HCN1: variants seen among roughly 807,000 people sequenced by gnomAD.
The protein encoded by HCN1 is potassium/sodium hyperpolarization-activated cyclic nucleotide-gated channel 1.
HCN1 carries 13 observed loss-of-function variants against 78.9 expected under a neutral mutation model. The ratio of observed to expected loss-of-function variants is 0.16; its 90% CI spans 0.11 to 0.26. HCN1 has a LOEUF of 0.26. HCN1 is among the 10% of genes least tolerant of loss of function. The pLI is 1.00. For synonymous variants in HCN1, 552 were observed against 455.5 expected (o/e 1.21, Z -2.70); for missense variants, 810 against 1,154.3 (o/e 0.70, Z 4.32).
intron 5 of HCN1, among the ~76,000 whole-genome samples, chr5:45,350,325 C>T (rs928975286): frequency 4.6e-5 from 7 of 152,156 alleles, no homozygotes; most frequent in Non-Finnish European, 8.8e-5. Flanking sequence ...AATTCAACAA[C>T]TCTTCATGCT....
At chr5:45,396,738 A>G (rs1739695384) in intron 3 of HCN1, 28 bp from the exon 4 acceptor site, 7 of 1,571,724 alleles carry the variant, frequency 4.5e-6, no homozygotes, top group Non-Finnish European at 6.1e-6. Flanking sequence ...AAGAAAATTG[A>G]CTGAGCCATT....
intron 1 of HCN1, among the ~76,000 whole-genome samples, chr5:45,686,489 C>T (rs1303888427): frequency 6.6e-6 from 1 of 152,160 alleles, no homozygotes; most frequent in Admixed American, 6.5e-5. Context: ...TGCCCTCCCA[C>T]CAACCTAGAA....
In HCN1 at chr5:45,377,618, G is replaced by C. The variant is rs1418429158; in HGVS notation, c.1230+18874C>G. On this transcript the variant is annotated intron_variant, in intron 4 of 7. Coordinates refer to ENST00000303230, the MANE Select transcript of HCN1 (RefSeq NM_021072.4). ...AAAAGTGATGTATTTGAGAAGGCAA[G>C]AAATGCAAACACTCCTTATACCTAC... is the stretch of plus-strand genomic sequence containing the variant. Among the ~76,000 whole-genome samples the C allele has an allele frequency of 2.0e-5, 3 of 152,022 alleles. No individual in the cohort carries two copies. In the East Asian group the frequency reaches 5.8e-4, roughly 29 times the overall value.
intron 3 of HCN1, among the ~76,000 whole-genome samples, chr5:45,434,398 T>C (rs1417901016): frequency 6.6e-6 from 1 of 152,194 alleles, no homozygotes; most frequent in Non-Finnish European, 1.5e-5. Context: ...GGCAGCCTTC[T>C]GAAGTGAAAC....
chr5:45,301,911 T>C (rs1745631204), intron 6 of HCN1, among the ~76,000 whole-genome samples: 2 of 151,538 alleles, frequency 1.3e-5, no homozygotes, highest in South Asian at 4.2e-4. Flanking sequence ...TAGGAGAAAA[T>C]AGTTGCATCA....
chr5:45,689,110 G>T (rs1739859596), intron 1 of HCN1, among the ~76,000 whole-genome samples: 1 of 151,958 alleles, frequency 6.6e-6, no homozygotes, highest in South Asian at 2.1e-4. Context: ...ATATTGAATT[G>T]CTTACTTTAA....
At chr5:45,610,353 C>T (rs1373775690) in intron 2 of HCN1, among the ~76,000 whole-genome samples, 1 of 151,674 alleles carries the variant, frequency 6.6e-6, no homozygotes, top group Non-Finnish European at 1.5e-5. Context: ...ACTGTGGATA[C>T]AGAAAGAATA....
intron 2 of HCN1, among the ~76,000 whole-genome samples, chr5:45,554,173 G>A (rs527708923): frequency 1.3e-5 from 2 of 151,862 alleles, no homozygotes; most frequent in South Asian, 4.1e-4. Flanking sequence ...AGCAGTTATT[G>A]TTTATTATCA....
At chr5:45,571,072 T>A (rs560148794) in intron 2 of HCN1, among the ~76,000 whole-genome samples, 5 of 152,298 alleles carry the variant, frequency 3.3e-5, no homozygotes, top group African/African-American at 1.2e-4. Context: ...ACTTCTTCCA[T>A]GTCTACATTG....
intron 2 of HCN1, among the ~76,000 whole-genome samples, chr5:45,523,008 C>T (rs1742646405): frequency 2.0e-5 from 3 of 151,138 alleles, no homozygotes; most frequent in African/African-American, 7.3e-5. Context: ...TCCCTCCCCA[C>T]TCCCCCCACC....
At chr5:45,514,462 G>A (rs1196934123) in intron 2 of HCN1, among the ~76,000 whole-genome samples, 1 of 152,006 alleles carries the variant, frequency 6.6e-6, no homozygotes, top group African/African-American at 2.4e-5. Flanking sequence ...AAACCTTTAA[G>A]GACTACTCTT....
At chr5:45,520,228 T>A (rs968503023) in intron 2 of HCN1, among the ~76,000 whole-genome samples, 39 of 152,164 alleles carry the variant, frequency 2.6e-4, no homozygotes, top group Admixed American at 1.2e-3. Context: ...ATTGGTCATA[T>A]GAGAATGTGG....
At chr5:45,372,819 T>C in intron 4 of HCN1, among the ~76,000 whole-genome samples, 1 of 141,394 alleles carries the variant, frequency 7.1e-6, no homozygotes, top group East Asian at 2.1e-4. Context: ...CACAAATATA[T>C]GTACGTATTC....
chr5:45,348,016 G>A (rs951093471), intron 5 of HCN1, among the ~76,000 whole-genome samples: 5 of 151,976 alleles, frequency 3.3e-5, no homozygotes, highest in South Asian at 2.1e-4. Context: ...TACAGAGAAC[G>A]CCACAAAGAT....
intron 1 of HCN1, among the ~76,000 whole-genome samples, chr5:45,663,672 G>A (rs1372608838): frequency 1.3e-5 from 2 of 151,800 alleles, no homozygotes; most frequent in Admixed American, 6.6e-5. Flanking sequence ...CTTCTCAAGA[G>A]AAGACATTTA....
intron 2 of HCN1, among the ~76,000 whole-genome samples, chr5:45,621,237 G>A (rs889202592): frequency 8.6e-5 from 13 of 151,936 alleles, no homozygotes; most frequent in African/African-American, 3.1e-4. Context: ...CTTGCTTCTA[G>A]CAATCTTTAT....
At chr5:45,466,339 ACT>A (rs1741270950) in intron 2 of HCN1, among the ~76,000 whole-genome samples, 1 of 152,088 alleles carries the variant, frequency 6.6e-6, no homozygotes, top group Non-Finnish European at 1.5e-5. Context: ...ATAATTGAAG[ACT>A]CTTTATATTG....
At chr5:45,692,204 A>C (rs1739927823) in intron 1 of HCN1, among the ~76,000 whole-genome samples, 1 of 152,338 alleles carries the variant, frequency 6.6e-6, no homozygotes, top group East Asian at 1.9e-4. Flanking sequence ...ATATTCTTTC[A>C]ACCTATTTAA....
intron 2 of HCN1, among the ~76,000 whole-genome samples, chr5:45,613,579 G>A (rs1030829187): frequency 6.6e-6 from 1 of 151,540 alleles, no homozygotes; most frequent in Non-Finnish European, 1.5e-5. Flanking sequence ...ATCTAGAACT[G>A]GAAATACCAT....
Sources: gnomAD v4.1 joint callset for allele counts (sites outside exome capture counted in the v4.1 genomes callset) on GRCh38, gnomAD v4.1.1 for gene constraint, MANE v1.5 for transcripts, NCBI Gene and HGNC (gene_info 2026-07-23, HGNC 2026-07-21) for gene names.